The following ASB3 variants were observed in gnomAD, a reference collection of about 807,000 sequenced individuals.
ASB3 encodes ankyrin repeat and SOCS box containing 3.
A neutral mutation model predicts 54.5 loss-of-function variants in ASB3; 41 were observed. That is an observed-to-expected ratio of 0.75 (90% CI 0.59 to 0.98). The LOEUF (loss-of-function observed/expected upper bound fraction) is 0.98. ASB3 is among the 50% of genes least tolerant of loss of function. ASB3 has a pLI of 0.00. For missense variants in ASB3, 733 were observed against 620.0 expected (o/e 1.18, Z -1.94); for synonymous variants, 266 against 221.2 (o/e 1.20, Z -1.80).
At chr2:53,738,321 C>A (rs1371596790) in intron 3 of ASB3, among the ~76,000 whole-genome samples, 2 of 152,206 alleles carry the variant, frequency 1.3e-5, no homozygotes, top group African/African-American at 4.8e-5. Flanking sequence ...AAAAATAAAA[C>A]AGGACTACTG....
intron 3 of ASB3, among the ~76,000 whole-genome samples, chr2:53,733,418 C>T (rs1362850490): frequency 6.6e-6 from 1 of 150,794 alleles, no homozygotes; most frequent in African/African-American, 2.4e-5. Flanking sequence ...TGTGTCCTTT[C>T]CCTCAATTCC....
intron 3 of ASB3, among the ~76,000 whole-genome samples, chr2:53,732,160 T>C (rs1189823947): frequency 6.6e-6 from 1 of 151,874 alleles, no homozygotes; most frequent in Non-Finnish European, 1.5e-5. Flanking sequence ...GGTTTCACCA[T>C]GTTGGCCAAG....
Position 53,738,047 on chromosome 2 carries a change from T to C in ASB3, c.356-8477A>G, listed in dbSNP as rs369016020. Among the ~76,000 whole-genome samples, 12 of 152,334 alleles carry C rather than the reference T, an allele frequency of 7.9e-5. No homozygotes were observed. In the East Asian group the frequency reaches 1.3e-3, roughly 17 times the overall value. ...CATATACTGTGTACCTCTTATGGTATTTATTACAGCCTATCTTGAATTCTG... is the reference window on the plus strand; with the variant it reads ...CATATACTGTGTACCTCTTATGGTACTTATTACAGCCTATCTTGAATTCTG... On this transcript the variant is annotated intron_variant, in intron 3 of 9. Coordinates refer to ENST00000263634, the MANE Select transcript of ASB3 (RefSeq NM_016115.5).
chr2:53,725,868 C>T (rs1414604286), intron 5 of ASB3, among the ~76,000 whole-genome samples: 1 of 152,074 alleles, frequency 6.6e-6, no homozygotes, highest in Admixed American at 6.6e-5. Context: ...GTTTCACCCA[C>T]TGTCAGTTTC....
chr2:53,694,217 C>T, intron 8 of ASB3: 1 of 508,496 alleles, frequency 2.0e-6, no homozygotes, highest in East Asian at 3.4e-5. Context: ...ACTGAATTGA[C>T]TTTCTATGTA....
At chr2:53,731,656 CT>C (rs1302832560) in intron 3 of ASB3, among the ~76,000 whole-genome samples, 1 of 152,072 alleles carries the variant, frequency 6.6e-6, no homozygotes, top group Non-Finnish European at 1.5e-5. Flanking sequence ...ACGACAGTTT[CT>C]TTTTTCCTTT....
intron 1 of ASB3, among the ~76,000 whole-genome samples, chr2:53,770,140 A>C (rs1024305642): frequency 3.9e-5 from 6 of 152,242 alleles, no homozygotes; most frequent in African/African-American, 1.4e-4. Flanking sequence ...TCATCTTAAA[A>C]AGAAAACAAG....
chr2:53,704,393 T>C lies in ASB3; in HGVS notation c.981-3865A>G, dbSNP rs190081727. Among the ~76,000 whole-genome samples the C allele has an allele frequency of 2.0e-3, 306 of 151,580 alleles. 1 individual carries two copies. Among genetic ancestry groups the C allele is most frequent in the African/African-American group, 6.7e-3 (277 of 41,340 alleles). ...AAAAAAAAAGGGAAAAAATAACATA[T>C]GATAGCTATTTTAAAATTAAGATTA... On this transcript the variant is annotated intron_variant, in intron 7 of 9. Coordinates refer to ENST00000263634, the MANE Select transcript of ASB3 (RefSeq NM_016115.5).
At chr2:53,678,794 GA>G (rs1049776016) in intron 9 of ASB3, among the ~76,000 whole-genome samples, 18 of 152,222 alleles carry the variant, frequency 1.2e-4, no homozygotes, top group Non-Finnish European at 1.6e-4. Context: ...TTCTTGCAAG[GA>G]AATTACTTCC....
At chr2:53,692,996 T>C (rs1021812342) in intron 9 of ASB3, among the ~76,000 whole-genome samples, 8 of 152,182 alleles carry the variant, frequency 5.3e-5, no homozygotes, top group Admixed American at 1.3e-4. Flanking sequence ...ATGTCTGTTT[T>C]TGATTGAGAA....
chr2:53,678,394 T>C lies in ASB3; in HGVS notation c.1370-7704A>G, dbSNP rs57310983. On this transcript the variant is annotated intron_variant, in intron 9 of 9. Coordinates refer to ENST00000263634, the MANE Select transcript of ASB3 (RefSeq NM_016115.5). ...GGTAAATAACAAGAGAATGCAGCTC[T>C]ACGATGATTATGTTGGTTCACTTGT... Among the ~76,000 whole-genome samples the C allele has an allele frequency of 2.6e-3, 389 of 152,342 alleles. 7 individuals carry two copies. In the East Asian group the frequency reaches 0.03, roughly 12 times the overall value.
intron 3 of ASB3, among the ~76,000 whole-genome samples, chr2:53,746,700 G>A (rs916755689): frequency 2.0e-5 from 3 of 151,848 alleles, no homozygotes; most frequent in South Asian, 2.1e-4. Context: ...GGCTGGTCTC[G>A]AACCCCTGAC....
intron 1 of ASB3, chr2:53,771,849 C>A: frequency 1.1e-6 from 1 of 915,194 alleles, no homozygotes; most frequent in South Asian, 1.5e-5. Context: ...TGCTAATGCT[C>A]AGCTACTTAA....
chr2:53,747,901 C>T (rs960145814), intron 3 of ASB3, among the ~76,000 whole-genome samples: 1 of 152,170 alleles, frequency 6.6e-6, no homozygotes, highest in Non-Finnish European at 1.5e-5. Flanking sequence ...GGGGATATAG[C>T]ACATAGTGTT....
At chr2:53,694,152 A>T in intron 8 of ASB3, 138 bp from the exon 9 acceptor site, 1 of 947,968 alleles carries the variant, frequency 1.1e-6, no homozygotes, top group Non-Finnish European at 1.6e-6. Context: ...TTAAGTATTT[A>T]TGTAACTAGA....
At chr2:53,714,678 G>T in intron 6 of ASB3, 97 bp from the exon 7 acceptor site, 1 of 1,236,670 alleles carries the variant, frequency 8.1e-7, no homozygotes, top group Non-Finnish European at 1.1e-6. Context: ...ATTACCAACT[G>T]ATTCATTTAA....
At chr2:53,766,707 C>T (rs961452823) in intron 1 of ASB3, among the ~76,000 whole-genome samples, 1 of 151,782 alleles carries the variant, frequency 6.6e-6, no homozygotes, top group Non-Finnish European at 1.5e-5. Context: ...TCTGTGTATT[C>T]AAAATTTTTC....
chr2:53,739,779 G>A (rs1185051173), intron 3 of ASB3, among the ~76,000 whole-genome samples: 3 of 152,106 alleles, frequency 2.0e-5, no homozygotes, highest in East Asian at 1.9e-4. Context: ...GGGCTCAAGC[G>A]ATGCTCCCAC....
chr2:53,730,238 T>G (rs74584230), intron 3 of ASB3, among the ~76,000 whole-genome samples: 1 of 152,146 alleles, frequency 6.6e-6, no homozygotes, highest in Non-Finnish European at 1.5e-5. Flanking sequence ...AATGCCAGAA[T>G]AGAATTACAA....
Sources: allele counts gnomAD v4.1 joint callset (sites outside exome capture counted in the v4.1 genomes callset), GRCh38; gene constraint gnomAD v4.1.1; transcripts MANE v1.5; gene names NCBI Gene and HGNC (gene_info 2026-07-23, HGNC 2026-07-21).